The following ERAP1 variants were observed in gnomAD, a reference collection of about 807,000 sequenced individuals.
The protein encoded by ERAP1 is adipocyte-derived leucine aminopeptidase.
A neutral mutation model predicts 103.7 loss-of-function variants in ERAP1; 86 were observed. That is an observed-to-expected ratio of 0.83 (90% CI 0.70 to 0.99). The LOEUF (loss-of-function observed/expected upper bound fraction) is 0.99, where lower values mean the gene tolerates loss of function less well. Ranked by LOEUF, ERAP1 falls within the 50% of genes least tolerant of loss-of-function variation. The pLI is 0.00. For missense variants in ERAP1, 1,009 were observed against 1,128.4 expected, an observed-to-expected ratio of 0.89 and a Z score of 1.52; for synonymous variants, 398 against 402.4, an observed-to-expected ratio of 0.99 and a Z score of 0.13.
the ERAP1 span, chr5:96,883,774 G>C: frequency 4.4e-6 from 7 of 1,605,956 alleles, no homozygotes; most frequent in Non-Finnish European, 5.9e-6. Context: ...TTTTGGCTGG[G>C]GGTGGGTCTT....
intron 19 of ERAP1, among the ~76,000 whole-genome samples, chr5:96,764,581 C>A (rs1769161949): frequency 6.6e-6 from 1 of 152,164 alleles, no homozygotes; most frequent in South Asian, 2.1e-4. Context: ...CCCTTCCACT[C>A]TCCTGACCCC....
chr5:96,763,983 A>C (rs563488845), intron 19 of ERAP1, among the ~76,000 whole-genome samples: 1 of 150,928 alleles, frequency 6.6e-6, no homozygotes, highest in East Asian at 1.9e-4. Flanking sequence ...AAGCCTGCTT[A>C]GTTCACTGAG....
intron 18 of ERAP1, among the ~76,000 whole-genome samples, chr5:96,777,515 G>GTT (rs774960764): frequency 1.3e-5 from 2 of 151,880 alleles, no homozygotes; most frequent in Non-Finnish European, 2.9e-5. Context: ...ATGCAGAGTT[G>GTT]TTTTAAAATT....
chr5:96,879,999 C>T, the ERAP1 span: 2 of 1,614,038 alleles, frequency 1.2e-6, no homozygotes, highest in Non-Finnish European at 1.7e-6. Flanking sequence ...AGCAATGCTA[C>T]CCAGTTTATC....
At chr5:96,869,623 A>G in the ERAP1 span, among the ~76,000 whole-genome samples, 1 of 152,214 alleles carries the variant, frequency 6.6e-6, no homozygotes, top group Non-Finnish European at 1.5e-5. Flanking sequence ...AAACATTGTC[A>G]AATGGCTCTG....
chr5:96,933,497 A>T, the ERAP1 span, among the ~76,000 whole-genome samples: 1 of 152,168 alleles, frequency 6.6e-6, no homozygotes, highest in Non-Finnish European at 1.5e-5. Context: ...TTGGCAAAGA[A>T]ATCATTTGTC....
the ERAP1 span, among the ~76,000 whole-genome samples, chr5:96,858,217 C>CTTTTTTTTTTTT: frequency 7.3e-6 from 1 of 137,128 alleles, no homozygotes; most frequent in African/African-American, 2.7e-5. Flanking sequence ...TGTTCTTCTT[C>CTTTTTTTTTTTT]TTTTTTTTTT....
upstream of ERAP1, among the ~76,000 whole-genome samples, chr5:96,811,981 T>C (rs562923160): frequency 4.6e-5 from 7 of 152,370 alleles, no homozygotes; most frequent in South Asian, 1.2e-3. Context: ...TCTGTATTCC[T>C]GTTGCTTTTA....
At chr5:96,780,275 G>A in intron 18 of ERAP1, 148 bp downstream of exon 18, 2 of 556,906 alleles carry the variant, frequency 3.6e-6, no homozygotes, top group East Asian at 3.3e-5. Context: ...GATTTATGCT[G>A]CTGTCAACAC....
At chr5:96,852,451 A>C in the ERAP1 span, among the ~76,000 whole-genome samples, 2 of 152,124 alleles carry the variant, frequency 1.3e-5, no homozygotes, top group East Asian at 3.9e-4. Context: ...ATTTAAATAC[A>C]ATTTTTACAC....
chr5:96,781,315 A>C (rs1467141388), intron 16 of ERAP1, 117 bp from the exon 17 acceptor site: 2 of 1,032,438 alleles, frequency 1.9e-6, no homozygotes, highest in Non-Finnish European at 2.9e-6. Context: ...AAGGTTAAAA[A>C]GATAAATGGG....
chr5:96,789,451 C>T (rs1776470815), intron 10 of ERAP1, among the ~76,000 whole-genome samples: 1 of 151,438 alleles, frequency 6.6e-6, no homozygotes, highest in Non-Finnish European at 1.5e-5. Flanking sequence ...CACGCCACTG[C>T]ACTCCAGCCT....
chr5:96,761,243 A>G (rs1767847721), exon 20 of ERAP1: 1 of 152,254 alleles, frequency 6.6e-6, no homozygotes, highest in South Asian at 2.1e-4. Flanking sequence ...TAGTTTAAGA[A>G]GAGACAATAC....
Position 96,780,558 on chromosome 5 carries a change from A to G in ERAP1, c.2589-54T>C, listed in dbSNP as rs923262682. 2.9e-6 allele frequency: 4 copies of G among 1,380,048 alleles called. No individual in the cohort carries two copies. In the African/African-American group the frequency reaches 4.3e-5, roughly 15 times the overall value. 85.5% of individuals were successfully genotyped at this position (1,380,048 alleles called of 1,614,324 possible). ...TGTGAAATACTTATTCATTTAACAT[A>G]TATTTTAAGGGCCTCCTATATATAA... On this transcript the variant is annotated intron_variant, in intron 17 of 18. Coordinates refer to ENST00000443439, the MANE Select transcript of ERAP1 (RefSeq NM_001040458.3).
chr5:96,909,024 C>T, the ERAP1 span: 2 of 1,614,032 alleles, frequency 1.2e-6, no homozygotes, highest in African/African-American at 1.3e-5. Context: ...ATGAAACAAG[C>T]AGCCCCGCAC....
chr5:96,854,001 G>A, the ERAP1 span, among the ~76,000 whole-genome samples: 1 of 152,128 alleles, frequency 6.6e-6, no homozygotes, highest in Admixed American at 6.5e-5. Context: ...GGTTTTGAAA[G>A]ATGTCACCTC....
chr5:96,807,154 C>T (rs1778714356), intron 1 of ERAP1, among the ~76,000 whole-genome samples: 1 of 152,162 alleles, frequency 6.6e-6, no homozygotes, highest in Non-Finnish European at 1.5e-5. Context: ...TGTAGGACCA[C>T]CTGGCCAGTG....
the ERAP1 span, among the ~76,000 whole-genome samples, chr5:96,889,869 G>C: frequency 1.6e-4 from 24 of 151,038 alleles, no homozygotes; most frequent in Admixed American, 9.2e-4. Flanking sequence ...CACACGCATT[G>C]CATATTAGAA....
the ERAP1 span, among the ~76,000 whole-genome samples, chr5:96,848,981 A>G: frequency 6.6e-6 from 1 of 152,248 alleles, no homozygotes. Flanking sequence ...ACATATGCAA[A>G]TCATAAATGT....
Sources: gnomAD v4.1 joint callset for allele counts (sites outside exome capture counted in the v4.1 genomes callset) on GRCh38, gnomAD v4.1.1 for gene constraint, MANE v1.5 for transcripts, NCBI Gene and HGNC (gene_info 2026-07-23, HGNC 2026-07-21) for gene names.